Variants in CDKL1 observed in about 807,000 individuals in gnomAD.
CDKL1 encodes the protein cyclin dependent kinase like 1.
In CDKL1, 41 loss-of-function variants were observed where a neutral mutation model predicts 42.0. The ratio of observed to expected loss-of-function variants is 0.98; its 90% confidence interval spans 0.76 to 1.27. CDKL1 has a LOEUF of 1.27. CDKL1 is among the 50% of genes most tolerant of loss of function. The probability of loss-of-function intolerance (pLI) is 0.00; values close to 1 mark genes in which losing one functional copy is unlikely to be tolerated. For synonymous variants in CDKL1, 153 were observed against 158.6 expected (o/e 0.96, Z 0.26); for missense variants, 394 against 428.4 (o/e 0.92, Z 0.71).
chr14:50,352,330 G>GA (rs142599484), intron 3 of CDKL1, among the ~76,000 whole-genome samples: 5,007 of 150,290 alleles, frequency 0.033, 170 homozygotes, highest in East Asian at 0.18. Context: ...ACAATTATAA[G>GA]AAAAAATATA....
intron 6 of CDKL1, among the ~76,000 whole-genome samples, chr14:50,339,237 G>A (rs1195953804): frequency 6.6e-6 from 1 of 152,010 alleles, no homozygotes; most frequent in African/African-American, 2.4e-5. Context: ...CACAGAGGAG[G>A]CAAGCAACAG....
At chr14:50,394,439 C>T (rs11157741) in intron 2 of CDKL1, among the ~76,000 whole-genome samples, 115,780 of 152,214 alleles carry the variant, frequency 0.76, 44,554 homozygotes, top group African/African-American at 0.88. Flanking sequence ...CCCACCCATT[C>T]CAATTTATCC....
rs2032808050 is a variant in CDKL1 at position 50,329,023 on chromosome 14, G to T, written c.*1051C>A. The T allele has an allele frequency of 7.4e-6, 1 of 135,904 alleles. No individual in the cohort carries two copies. 8.4% of individuals were successfully genotyped at this position (135,904 alleles called of 1,614,324 possible). Reference sequence around the variant, plus strand: ...TTGGACTACTTAGTGTAATATATTAGTTGTTAGAATAGCATATATATATAT... The same window carrying T: ...TTGGACTACTTAGTGTAATATATTATTTGTTAGAATAGCATATATATATAT... On this transcript the variant is annotated 3_prime_UTR_variant, in exon 10 of 10. Transcript: ENST00000395834.
At chr14:50,389,097 CAAAAAAAAAA>C (rs57448948) in intron 2 of CDKL1, among the ~76,000 whole-genome samples, 17 of 90,484 alleles carry the variant, frequency 1.9e-4, no homozygotes, top group Admixed American at 1.5e-3. Flanking sequence ...AGACTGTCTT[CAAAAAAAAAA>C]AAAAAAAAAA....
intron 2 of CDKL1, among the ~76,000 whole-genome samples, chr14:50,388,574 C>CT (rs1042107335): frequency 1.3e-5 from 2 of 152,220 alleles, no homozygotes; most frequent in Non-Finnish European, 2.9e-5. Context: ...TCTGTCTGTG[C>CT]TTTCCTCTTC....
At position 50,341,232 on chromosome 14, in the gene CDKL1, G is replaced by C; in HGVS notation, c.455C>G (p.Thr152Ser). The C allele has an allele frequency of 6.3e-7, 1 of 1,591,496 alleles. No individual in the cohort carries two copies. The highest frequency in any genetic ancestry group is 8.6e-7 in the Non-Finnish European group (1 of 1,164,830). ...LCDFGFARLLTGPSDYYTDYV... is the reference protein window; with the variant it reads ...LCDFGFARLLSGPSDYYTDYV... Reference sequence around the variant, plus strand: ...GTCTGTATAGTAGTCACTCGGTCCAGCTAGCCAGTGATGGAACATGGAAAA... The same window carrying C: ...GTCTGTATAGTAGTCACTCGGTCCACCTAGCCAGTGATGGAACATGGAAAA... The change falls in exon 6 of 10, where the codon ACT becomes AGT. Residue 152 changes from threonine (T) to serine (S), a missense_variant and splice_region_variant. Physicochemically the swap from Thr to Ser is moderately conservative, Grantham distance 58. Transcript: ENST00000395834.
intron 2 of CDKL1, among the ~76,000 whole-genome samples, chr14:50,388,130 C>T (rs923101675): frequency 6.6e-6 from 1 of 152,162 alleles, no homozygotes; most frequent in East Asian, 1.9e-4. Context: ...ACCTCGTGAT[C>T]CACCTGCCTC....
At chr14:50,385,056 G>A (rs1444113507) in intron 2 of CDKL1, among the ~76,000 whole-genome samples, 3 of 112,946 alleles carry the variant, frequency 2.7e-5, no homozygotes, top group Admixed American at 1.2e-4. Context: ...GGGTGACAGA[G>A]CAAGACTCTG....
upstream of CDKL1, chr14:50,397,288 C>T: frequency 1.5e-6 from 2 of 1,365,210 alleles, no homozygotes; most frequent in Non-Finnish European, 2.0e-6. Context: ...AGTGCTGCGG[C>T]GTCAGTGAAT....
Position 50,363,847 on chromosome 14 carries a change from C to T in CDKL1, c.169-4698G>A, listed in dbSNP as rs184822075. On this transcript the variant is annotated intron_variant, in intron 2 of 9. Coordinates refer to ENST00000395834, the MANE Select transcript of CDKL1 (RefSeq NM_004196.7). ...CTCTCCATTTGGCCTCTGCTTACCT[C>T]TCCAGCCCCAACACTTATAACTTCC... 6.4e-4 allele frequency: 98 copies of T among 152,530 alleles called. No individual in the cohort carries two copies. The Middle Eastern group carries it at 0.024, about 37-fold the overall frequency. The allele number at this position is 152,530 out of a possible 1,614,324, so 9.4% of individuals were successfully genotyped here. A position where few individuals can be genotyped will look rare whatever the true frequency, so the allele number is the denominator to read the frequency against.
intron 2 of CDKL1, among the ~76,000 whole-genome samples, chr14:50,387,623 C>A (rs1197539872): frequency 6.6e-6 from 1 of 152,146 alleles, no homozygotes; most frequent in African/African-American, 2.4e-5. Flanking sequence ...CCCCAGTTTG[C>A]CCCAGTCTCC....
At chr14:50,370,922 T>G (rs901027940) in intron 2 of CDKL1, among the ~76,000 whole-genome samples, 2 of 152,256 alleles carry the variant, frequency 1.3e-5, no homozygotes, top group Non-Finnish European at 2.9e-5. Context: ...TAATTCAACA[T>G]GAGATTTGGG....
chr14:50,391,466 T>C (rs1263138293), intron 2 of CDKL1, among the ~76,000 whole-genome samples: 1 of 152,158 alleles, frequency 6.6e-6, no homozygotes, highest in East Asian at 1.9e-4. Flanking sequence ...CACTGGAGCC[T>C]CTGCCTCCCG....
At chr14:50,338,244 A>C (rs1388445065) in intron 7 of CDKL1, among the ~76,000 whole-genome samples, 1 of 152,112 alleles carries the variant, frequency 6.6e-6, no homozygotes, top group Non-Finnish European at 1.5e-5. Context: ...TTTTGGAAAG[A>C]GTCTTGCTCT....
At chr14:50,394,128 GAA>G (rs1267898377) in intron 2 of CDKL1, among the ~76,000 whole-genome samples, 1 of 152,204 alleles carries the variant, frequency 6.6e-6, no homozygotes, top group East Asian at 1.9e-4. Flanking sequence ...TTCAGAATCA[GAA>G]AAAGAGTATC....
intron 2 of CDKL1, among the ~76,000 whole-genome samples, chr14:50,379,763 G>A (rs536738978): frequency 5.9e-4 from 90 of 152,298 alleles, no homozygotes; most frequent in African/African-American, 2.1e-3. Flanking sequence ...TCCTCGCCCA[G>A]TTTCTAGATC....
rs190545439 is a variant in CDKL1 at position 50,371,747 on chromosome 14, C to T, written c.169-12598G>A. On this transcript the variant is annotated intron_variant, in intron 2 of 9. Transcript: ENST00000395834. Reference sequence around the variant, plus strand: ...CCCCACCCTCCCAGGCAGCTGCAGACACCCAGTCATGGCTGCAGACCCGGG... The same window carrying T: ...CCCCACCCTCCCAGGCAGCTGCAGATACCCAGTCATGGCTGCAGACCCGGG... 6.0e-4 allele frequency among the ~76,000 whole-genome samples: 91 copies of T among 152,366 alleles called. 2 individuals are homozygous for T. The highest frequency in any genetic ancestry group is 1.5e-5 in the Non-Finnish European group (1 of 68,030).
intron 2 of CDKL1, among the ~76,000 whole-genome samples, chr14:50,378,831 G>A (rs1370030854): frequency 1.3e-5 from 2 of 150,924 alleles, no homozygotes; most frequent in Non-Finnish European, 2.9e-5. Flanking sequence ...GATACTGTGA[G>A]ACACTGTGCC....
At chr14:50,354,040 C>G (rs1265698748) in intron 3 of CDKL1, among the ~76,000 whole-genome samples, 1 of 151,536 alleles carries the variant, frequency 6.6e-6, no homozygotes, top group East Asian at 1.9e-4. Context: ...CTGCCACCTC[C>G]GCCTCCCGGG....
Sources: allele counts gnomAD v4.1 joint callset (sites outside exome capture counted in the v4.1 genomes callset), GRCh38; gene constraint gnomAD v4.1.1; transcripts MANE v1.5; gene names NCBI Gene and HGNC (gene_info 2026-07-23, HGNC 2026-07-21).